Variants in STAG1 observed in about 807,000 individuals in gnomAD.
The protein encoded by STAG1 is STAG1 cohesin complex component.
Under a neutral mutation model 170.9 loss-of-function variants are expected in STAG1, and 26 were observed. The ratio of observed to expected loss-of-function variants is 0.15; its 90% CI spans 0.11 to 0.21. STAG1 has a LOEUF of 0.21. STAG1 is among the 10% of genes least tolerant of loss of function. The probability of loss-of-function intolerance (pLI) is 1.00; values close to 1 mark genes in which losing one functional copy is unlikely to be tolerated. For missense variants in STAG1, 964 were observed against 1,509.5 expected, an observed-to-expected ratio of 0.64 and a Z score of 5.99; for synonymous variants, 514 against 497.7, an observed-to-expected ratio of 1.03 and a Z score of -0.44.
At chr3:136,478,739 T>C (rs1340718545) in intron 9 of STAG1, among the ~76,000 whole-genome samples, 1 of 152,204 alleles carries the variant, frequency 6.6e-6, no homozygotes, top group African/African-American at 2.4e-5. Context: ...TTCCAAGCCA[T>C]ACTGCCAATT....
chr3:136,739,509 AAAAAAAAAAAG>A (rs1259659113), intron 1 of STAG1, among the ~76,000 whole-genome samples: 14 of 148,880 alleles, frequency 9.4e-5, no homozygotes, highest in South Asian at 6.3e-4. Context: ...CCGTCAAAAA[AAAAAAAAAAAG>A]AAAAAAAAAA....
At chr3:136,437,481 T>C (rs1377320867) in intron 15 of STAG1, among the ~76,000 whole-genome samples, 1 of 152,214 alleles carries the variant, frequency 6.6e-6, no homozygotes, top group East Asian at 1.9e-4. Context: ...TCATTTGAAC[T>C]TCCTAACACA....
At chr3:136,370,218 TC>T (rs1307932876) in intron 23 of STAG1, among the ~76,000 whole-genome samples, 1 of 152,128 alleles carries the variant, frequency 6.6e-6, no homozygotes, top group African/African-American at 2.4e-5. Context: ...TGCATTATTA[TC>T]ATAGGATACG....
intron 23 of STAG1, among the ~76,000 whole-genome samples, chr3:136,374,813 T>C (rs1370142170): frequency 6.6e-6 from 1 of 152,182 alleles, no homozygotes; most frequent in Non-Finnish European, 1.5e-5. Flanking sequence ...ATGGTACATA[T>C]AGAGTCTACA....
chr3:136,586,957 G>A (rs1240535623), intron 4 of STAG1: 1 of 449,652 alleles, frequency 2.2e-6, no homozygotes. Context: ...AAAATGGAGG[G>A]GCTTAGATTC....
chr3:136,444,102 C>G (rs2088708654), intron 14 of STAG1, among the ~76,000 whole-genome samples: 1 of 150,886 alleles, frequency 6.6e-6, no homozygotes, highest in African/African-American at 2.4e-5. Context: ...GAGATGGAGT[C>G]TTGCTCTATC....
chr3:136,409,646 C>T (rs1171249143), intron 21 of STAG1, among the ~76,000 whole-genome samples: 1 of 152,084 alleles, frequency 6.6e-6, no homozygotes, highest in Non-Finnish European at 1.5e-5. Flanking sequence ...CAAAATGTGA[C>T]TACATTGAAA....
intron 4 of STAG1, among the ~76,000 whole-genome samples, chr3:136,586,122 C>T (rs1937805389): frequency 6.6e-6 from 1 of 152,046 alleles, no homozygotes; most frequent in Non-Finnish European, 1.5e-5. Context: ...AGAAAGTCCA[C>T]CATATTTCAT....
At chr3:136,539,150 G>A (rs1016204476) in intron 6 of STAG1, among the ~76,000 whole-genome samples, 3 of 151,466 alleles carry the variant, frequency 2.0e-5, no homozygotes, top group Non-Finnish European at 2.9e-5. Flanking sequence ...AAAAAAAAAT[G>A]TTTTAGTGAT....
In STAG1 at chr3:136,383,023, G is replaced by C. The variant is rs557524830; in HGVS notation, c.2278-5271C>G. On this transcript the variant is annotated intron_variant, in intron 22 of 33. Transcript: ENST00000383202. ...TTTATTCATCCACTTCATGATGTTGGCCTGTTACTATACTTCATTTCATTT... is the reference window on the plus strand; with the variant it reads ...TTTATTCATCCACTTCATGATGTTGCCCTGTTACTATACTTCATTTCATTT... 3.3e-5 allele frequency among the ~76,000 whole-genome samples: 5 copies of C among 152,194 alleles called. No homozygotes were observed. The South Asian group carries it at 1.0e-3, about 32-fold the overall frequency.
At chr3:136,520,351 CTAAT>C (rs1934612943) in intron 7 of STAG1, among the ~76,000 whole-genome samples, 1 of 151,982 alleles carries the variant, frequency 6.6e-6, no homozygotes, top group South Asian at 2.1e-4. Context: ...TGAAATGTAA[CTAAT>C]GAGTCTAAAT....
chr3:136,387,151 T>C lies in STAG1; in HGVS notation c.2278-9399A>G, dbSNP rs1576416128. Among the ~76,000 whole-genome samples the C allele has an allele frequency of 3.3e-5, 5 of 152,356 alleles. No individual in the cohort carries two copies. In the South Asian group the frequency reaches 1.0e-3, roughly 32 times the overall value. The stretch of plus-strand genomic sequence containing the variant: ...TATTAGGCCACTGGTTGGCAAACTT[T>C]TTGTGTTAAGGATCAGATAGTAAAT... On this transcript the variant is annotated intron_variant, in intron 22 of 33. Coordinates refer to ENST00000383202, the MANE Select transcript of STAG1 (RefSeq NM_005862.3).
chr3:136,736,747 G>C (rs1934358183), intron 1 of STAG1: 3 of 1,601,434 alleles, frequency 1.9e-6, no homozygotes, highest in South Asian at 2.2e-5. Context: ...GCTCAGCAAA[G>C]AGTTTCATTG....
chr3:136,687,473 C>A (rs1441688260), intron 1 of STAG1, among the ~76,000 whole-genome samples: 1 of 151,394 alleles, frequency 6.6e-6, no homozygotes, highest in Non-Finnish European at 1.5e-5. Flanking sequence ...CTAGGTATTA[C>A]GGTGAAGCAG....
intron 9 of STAG1, among the ~76,000 whole-genome samples, chr3:136,498,930 C>T (rs1165466231): frequency 6.6e-6 from 1 of 152,104 alleles, no homozygotes; most frequent in Non-Finnish European, 1.5e-5. Context: ...GATACACATA[C>T]ACACACAACT....
At chr3:136,723,845 C>T (rs1459208229) in intron 1 of STAG1, among the ~76,000 whole-genome samples, 1 of 147,210 alleles carries the variant, frequency 6.8e-6, no homozygotes, top group Non-Finnish European at 1.5e-5. Context: ...GGGGTCAGCC[C>T]CCCGCCCGGC....
At chr3:136,452,450 G>A (rs1418534132) in intron 13 of STAG1, among the ~76,000 whole-genome samples, 2 of 151,750 alleles carry the variant, frequency 1.3e-5, no homozygotes, top group Non-Finnish European at 2.9e-5. Context: ...TGTAGTCCCA[G>A]CTACTTGGGA....
chr3:136,658,144 C>T (rs1407715522), intron 1 of STAG1, among the ~76,000 whole-genome samples: 5 of 150,364 alleles, frequency 3.3e-5, no homozygotes, highest in African/African-American at 1.2e-4. Flanking sequence ...GAGCTATGAT[C>T]GTGCCACTGT....
chr3:136,699,806 T>C (rs949801065), intron 1 of STAG1, among the ~76,000 whole-genome samples: 1 of 152,048 alleles, frequency 6.6e-6, no homozygotes, highest in Non-Finnish European at 1.5e-5. Flanking sequence ...AATCACTAGG[T>C]TGATGACAAC....
Sources: gnomAD v4.1 joint callset for allele counts (sites outside exome capture counted in the v4.1 genomes callset) on GRCh38, gnomAD v4.1.1 for gene constraint, MANE v1.5 for transcripts, NCBI Gene and HGNC (gene_info 2026-07-23, HGNC 2026-07-21) for gene names.